PRR5L: variants seen among roughly 807,000 people sequenced by gnomAD.
PRR5L encodes proline rich 5 like.
A neutral mutation model predicts 36.4 loss-of-function variants in PRR5L; 21 were observed. The observed-to-expected ratio is 0.58, with a 90% CI of 0.41 to 0.83. The LOEUF (loss-of-function observed/expected upper bound fraction) is 0.83. PRR5L is among the 40% of genes least tolerant of loss of function. The pLI is 0.00. For synonymous variants in PRR5L, 188 were observed against 197.0 expected (o/e 0.95, Z 0.38); for missense variants, 381 against 473.3 (o/e 0.80, Z 1.81).
chr11:36,406,040 T>G (rs571112662), intron 3 of PRR5L, among the ~76,000 whole-genome samples: 2 of 152,198 alleles, frequency 1.3e-5, no homozygotes, highest in Non-Finnish European at 2.9e-5. Context: ...TTCTTTGCAC[T>G]ATATTGTAGT....
intron 1 of PRR5L, among the ~76,000 whole-genome samples, chr11:36,305,626 C>A (rs1856422358): frequency 6.6e-6 from 1 of 152,162 alleles, no homozygotes; most frequent in African/African-American, 2.4e-5. Context: ...GTGATTAGGT[C>A]ATAAGGGTGG....
In PRR5L at chr11:36,437,422, C is replaced by T. The variant is rs113293096; in HGVS notation, c.390C>T (p.Asp130=). The T allele has an allele frequency of 4.3e-6, 7 of 1,613,238 alleles. No homozygotes were observed. Among genetic ancestry groups the T allele is most frequent in the African/African-American group, 1.3e-5 (1 of 75,046 alleles). ...TTGAGGTTCTGGCTGAAGTCTGGGA[C>T]CACTTCTTCACTGAGACTCTCCCTA... ...NRIEVLAEVW[D]HFFTETLPTL... Residue 130 remains aspartate, a synonymous_variant, in exon 6 of 9, where the codon GAC becomes GAT. Transcript: ENST00000530639.
At chr11:36,373,771 G>A (rs1857221286) in intron 1 of PRR5L, among the ~76,000 whole-genome samples, 1 of 143,598 alleles carries the variant, frequency 7.0e-6, no homozygotes, top group African/African-American at 3.0e-5. Flanking sequence ...TCTCCCAGAG[G>A]AGACTCTTTC....
chr11:36,453,399 A>G (rs1048815259), intron 8 of PRR5L, among the ~76,000 whole-genome samples: 1 of 152,228 alleles, frequency 6.6e-6, no homozygotes, highest in East Asian at 1.9e-4. Context: ...AAGAGGGGAT[A>G]GCTTTAGCTT....
At chr11:36,459,185 G>A (rs910498938) in intron 8 of PRR5L, among the ~76,000 whole-genome samples, 3 of 152,162 alleles carry the variant, frequency 2.0e-5, no homozygotes, top group Admixed American at 6.5e-5. Flanking sequence ...GTCCAGAGCC[G>A]CTCAGCTCGT....
At chr11:36,363,387 C>G (rs1857113018) in intron 1 of PRR5L, among the ~76,000 whole-genome samples, 1 of 152,168 alleles carries the variant, frequency 6.6e-6, no homozygotes, top group Non-Finnish European at 1.5e-5. Context: ...ATCTTTCTTT[C>G]CAGATTAGCT....
At chr11:36,320,456 A>G (rs115252605) in intron 1 of PRR5L, among the ~76,000 whole-genome samples, 6,723 of 152,116 alleles carry the variant, frequency 0.044, 160 homozygotes, top group Middle Eastern at 0.054. Flanking sequence ...TTGAGTGCCA[A>G]GCTTTGGTGG....
chr11:36,456,974 C>A (rs1305936310), intron 8 of PRR5L, among the ~76,000 whole-genome samples: 1 of 152,232 alleles, frequency 6.6e-6, no homozygotes, highest in Non-Finnish European at 1.5e-5. Flanking sequence ...TCCTCCAGGG[C>A]AGCCCCCCTC....
intron 1 of PRR5L, among the ~76,000 whole-genome samples, chr11:36,340,033 C>T (rs1232479092): frequency 6.6e-6 from 1 of 152,196 alleles, no homozygotes; most frequent in Non-Finnish European, 1.5e-5. Flanking sequence ...ACAGTTGCTG[C>T]CATCCAGTGC....
chr11:36,461,395 G>A (rs1244904095), intron 8 of PRR5L, among the ~76,000 whole-genome samples: 1 of 152,152 alleles, frequency 6.6e-6, no homozygotes, highest in African/African-American at 2.4e-5. Flanking sequence ...GGCTGAGGCG[G>A]GTGGATCACC....
At chr11:36,347,595 T>C (rs1357357231) in intron 1 of PRR5L, among the ~76,000 whole-genome samples, 4 of 150,444 alleles carry the variant, frequency 2.7e-5, no homozygotes, top group African/African-American at 9.8e-5. Flanking sequence ...TCAAGAGGAG[T>C]GGAGCTTGCT....
intron 1 of PRR5L, among the ~76,000 whole-genome samples, chr11:36,392,868 C>T (rs1857590824): frequency 6.6e-6 from 1 of 152,220 alleles, no homozygotes; most frequent in Non-Finnish European, 1.5e-5. Context: ...CCTCTCCTGA[C>T]ACATGGGGAT....
At chr11:36,409,799 T>C (rs1348280593) in intron 3 of PRR5L, among the ~76,000 whole-genome samples, 1 of 152,226 alleles carries the variant, frequency 6.6e-6, no homozygotes, top group Non-Finnish European at 1.5e-5. Context: ...ATAGATACTG[T>C]ATCCCTGTCT....
At chr11:36,360,621 A>T (rs1857077088) in intron 1 of PRR5L, among the ~76,000 whole-genome samples, 2 of 152,254 alleles carry the variant, frequency 1.3e-5, no homozygotes, top group African/African-American at 2.4e-5. Flanking sequence ...ATGTGTGTGC[A>T]TGCATAAATG....
intron 3 of PRR5L, among the ~76,000 whole-genome samples, chr11:36,404,294 C>T (rs964078818): frequency 9.0e-6 from 1 of 110,874 alleles, no homozygotes; most frequent in Non-Finnish European, 1.7e-5. Flanking sequence ...TTTTTTTAAA[C>T]GGAGTCTTGC....
At chr11:36,305,147 G>C (rs1225795147) in intron 1 of PRR5L, among the ~76,000 whole-genome samples, 11 of 152,158 alleles carry the variant, frequency 7.2e-5, no homozygotes, top group Admixed American at 7.2e-4. Context: ...CTAATGAAGA[G>C]ATAAATAAAA....
chr11:36,312,155 T>G (rs1856510353), intron 1 of PRR5L, among the ~76,000 whole-genome samples: 1 of 152,108 alleles, frequency 6.6e-6, no homozygotes, highest in Admixed American at 6.5e-5. Flanking sequence ...TGAATACCGT[T>G]TTTTGAGAAG....
rs187801386 is a variant in PRR5L at position 36,369,876 on chromosome 11, C to G, written c.-125-31121C>G. Among the ~76,000 whole-genome samples the G allele has an allele frequency of 3.3e-5, 5 of 152,340 alleles. 1 individual carries two copies. The highest frequency in any genetic ancestry group is 2.0e-4 in the Admixed American group (3 of 15,308). On this transcript the variant is annotated intron_variant, in intron 1 of 8. Coordinates refer to ENST00000530639, the MANE Select transcript of PRR5L (RefSeq NM_001160167.2). ...CCTCCCAAAATGCTGGGATTACAGGCATGAACCACCATGCCCAGCCTGCAA... is the reference window on the plus strand; with the variant it reads ...CCTCCCAAAATGCTGGGATTACAGGGATGAACCACCATGCCCAGCCTGCAA...
intron 1 of PRR5L, among the ~76,000 whole-genome samples, chr11:36,306,803 C>T (rs1856437175): frequency 6.6e-6 from 1 of 152,138 alleles, no homozygotes; most frequent in South Asian, 2.1e-4. Flanking sequence ...ATAGTGATTT[C>T]ATTGGGTAAT....
Sources: gnomAD v4.1 joint callset for allele counts (sites outside exome capture counted in the v4.1 genomes callset) on GRCh38, gnomAD v4.1.1 for gene constraint, MANE v1.5 for transcripts, NCBI Gene and HGNC (gene_info 2026-07-23, HGNC 2026-07-21) for gene names.